Variants in GNB4 observed in about 807,000 individuals in gnomAD.
GNB4 encodes guanine nucleotide-binding protein subunit beta-4.
Under a neutral mutation model 45.2 loss-of-function variants are expected in GNB4, and 28 were observed. The observed-to-expected ratio is 0.62, with a 90% CI of 0.46 to 0.85. The LOEUF (loss-of-function observed/expected upper bound fraction) is 0.85. GNB4 is among the 40% of genes least tolerant of loss of function. The pLI is 0.00. For synonymous variants in GNB4, 132 were observed against 143.7 expected (o/e 0.92, Z 0.58); for missense variants, 321 against 425.4 (o/e 0.75, Z 2.16).
rs1002213723 is a variant in GNB4, at chr3:179,400,397, G to T, written c.*816C>A. 2.0e-5 allele frequency: 3 copies of T among 152,202 alleles called. No homozygotes were observed. The highest frequency in any genetic ancestry group is 7.2e-5 in the African/African-American group (3 of 41,436). 9.4% of individuals were successfully genotyped at this position (152,202 alleles called of 1,614,324 possible). A position where few individuals can be genotyped will look rare whatever the true frequency, so the allele number is the denominator to read the frequency against. ...AAGATGAGTATACGCTACAAACTTA[G>T]TTCCAAATATGAAATGAAAAGGAAA... On this transcript the variant is annotated 3_prime_UTR_variant, in exon 10 of 10. Coordinates refer to ENST00000232564, the MANE Select transcript of GNB4 (RefSeq NM_021629.4).
chr3:179,422,547 GCAC>G (rs1362951097), intron 2 of GNB4, among the ~76,000 whole-genome samples: 3 of 151,650 alleles, frequency 2.0e-5, no homozygotes, highest in South Asian at 2.1e-4. Flanking sequence ...ATACTGTCCA[GCAC>G]CACAAGAAAT....
At chr3:179,474,003 C>T in the GNB4 span, among the ~76,000 whole-genome samples, 3 of 152,016 alleles carry the variant, frequency 2.0e-5, no homozygotes, top group Admixed American at 1.3e-4. Context: ...TGTTTGGCTT[C>T]GTCAGTTTGC....
At chr3:179,458,563 C>A in the GNB4 span, among the ~76,000 whole-genome samples, 1 of 152,126 alleles carries the variant, frequency 6.6e-6, no homozygotes, top group Non-Finnish European at 1.5e-5. Context: ...GGTTCCAGGA[C>A]CCCCGCGGAT....
At chr3:179,504,122 A>G in the GNB4 span, among the ~76,000 whole-genome samples, 2 of 152,092 alleles carry the variant, frequency 1.3e-5, no homozygotes, top group Non-Finnish European at 2.9e-5. Context: ...TCTCAAATCA[A>G]AATTCTGAAT....
chr3:179,420,133 T>C (rs1714932798), intron 3 of GNB4, among the ~76,000 whole-genome samples: 1 of 150,452 alleles, frequency 6.6e-6, no homozygotes, highest in Non-Finnish European at 1.5e-5. Flanking sequence ...TAAATATATA[T>C]AATTTTTTTT....
intron 8 of GNB4, among the ~76,000 whole-genome samples, chr3:179,408,294 A>G (rs992989469): frequency 6.6e-5 from 10 of 152,202 alleles, no homozygotes; most frequent in South Asian, 2.1e-4. Context: ...AGTGCACTGG[A>G]TGGGTTCACG....
intron 6 of GNB4, 36 bp from the exon 7 acceptor site, chr3:179,413,817 C>G: frequency 6.8e-7 from 1 of 1,472,332 alleles, no homozygotes; most frequent in Non-Finnish European, 9.5e-7. Context: ...TAGGTTATCA[C>G]TGATTGAATA....
At chr3:179,418,948 C>T (rs897054686) in intron 4 of GNB4, among the ~76,000 whole-genome samples, 4 of 152,150 alleles carry the variant, frequency 2.6e-5, no homozygotes, top group Non-Finnish European at 4.4e-5. Flanking sequence ...GTGATGCAGT[C>T]GAGGGAGTAA....
At chr3:179,445,248 CAGTA>C (rs1715690522) in intron 1 of GNB4, among the ~76,000 whole-genome samples, 1 of 152,046 alleles carries the variant, frequency 6.6e-6, no homozygotes, top group African/African-American at 2.4e-5. Flanking sequence ...AGAGTAGAAA[CAGTA>C]AGGCCTCTAA....
intron 8 of GNB4, 141 bp downstream of exon 8, chr3:179,413,270 AC>A (rs1349946803): frequency 2.5e-5 from 16 of 648,726 alleles, no homozygotes; most frequent in Admixed American, 1.2e-4. Flanking sequence ...AAAATCAAAA[AC>A]CCTTATGACT....
chr3:179,465,470 G>A, the GNB4 span: 20 of 356,448 alleles, frequency 5.6e-5, no homozygotes, highest in African/African-American at 2.3e-4. Flanking sequence ...TTAGCCGGGC[G>A]TGGTGGCAGG....
rs540253835 is a variant in GNB4 at position 179,409,704 on chromosome 3, G to A, written c.699+3708C>T. On this transcript the variant is annotated intron_variant, in intron 8 of 9. Transcript: ENST00000232564. ...GTGCGCCTGTAGTCTCAGTTACTTC[G>A]AAGGCTGAGGCAGGAGAATTGCTTG... Among the ~76,000 whole-genome samples, 19 of 151,430 alleles carry A rather than the reference G, an allele frequency of 1.3e-4. No homozygotes were observed. In the South Asian group the frequency reaches 4.0e-3, roughly 32 times the overall value.
At chr3:179,461,306 G>A in the GNB4 span, among the ~76,000 whole-genome samples, 1 of 152,100 alleles carries the variant, frequency 6.6e-6, no homozygotes, top group African/African-American at 2.4e-5. Context: ...GACCATCCTG[G>A]CTAACACAGT....
the GNB4 span, among the ~76,000 whole-genome samples, chr3:179,519,515 A>G: frequency 6.6e-6 from 1 of 152,156 alleles, no homozygotes. Context: ...ATTGATGGCC[A>G]GGCTTCTAAA....
At chr3:179,468,035 A>AAAAAAAAAT in the GNB4 span, among the ~76,000 whole-genome samples, 1 of 89,866 alleles carries the variant, frequency 1.1e-5, no homozygotes, top group Admixed American at 1.1e-4. Flanking sequence ...TGTTGATAAA[A>AAAAAAAAAT]ATATATATAT....
chr3:179,480,362 A>T, the GNB4 span, among the ~76,000 whole-genome samples: 1 of 152,240 alleles, frequency 6.6e-6, no homozygotes, highest in Non-Finnish European at 1.5e-5. Context: ...CTGGTGACTT[A>T]GTCCAGATAT....
chr3:179,476,003 G>A, the GNB4 span, among the ~76,000 whole-genome samples: 8 of 152,118 alleles, frequency 5.3e-5, no homozygotes, highest in Non-Finnish European at 2.9e-5. Context: ...CATCCCAATA[G>A]CCCCAAAAGG....
the GNB4 span, among the ~76,000 whole-genome samples, chr3:179,494,768 CG>C: frequency 6.6e-6 from 1 of 151,364 alleles, no homozygotes; most frequent in African/African-American, 2.4e-5. Context: ...ATTAGCTGGG[CG>C]TGGTGGTGGG....
At position 179,398,104 on chromosome 3, in the gene GNB4, T is replaced by C. The variant is rs1352049039; in HGVS notation, c.*3109A>G. 6.6e-6 allele frequency: 1 copy of C among 152,150 alleles called. No homozygotes were observed. Among genetic ancestry groups the C allele is most frequent in the Non-Finnish European group, 1.5e-5 (1 of 68,046 alleles). 9.4% of individuals were successfully genotyped at this position (152,150 alleles called of 1,614,324 possible). ...GGGTGATAACATACTTAGAAAAGAA[T>C]ATGTATCTCTAAAATATTCTTGCCA... On this transcript the variant is annotated 3_prime_UTR_variant, in exon 10 of 10. Transcript: ENST00000232564.
Sources: gnomAD v4.1 joint callset for allele counts (sites outside exome capture counted in the v4.1 genomes callset) on GRCh38, gnomAD v4.1.1 for gene constraint, MANE v1.5 for transcripts, NCBI Gene and HGNC (gene_info 2026-07-23, HGNC 2026-07-21) for gene names.